The following HS3ST4 variants were observed in gnomAD, a reference collection of about 807,000 sequenced individuals.
The protein encoded by HS3ST4 is heparan sulfate glucosamine 3-O-sulfotransferase 4.
HS3ST4 carries 17 observed loss-of-function variants against 29.2 expected under a neutral mutation model. That is an observed-to-expected ratio of 0.58 (90% CI 0.40 to 0.87). The LOEUF (loss-of-function observed/expected upper bound fraction) is 0.87. Ranked by LOEUF, HS3ST4 falls within the 40% of genes least tolerant of loss-of-function variation. HS3ST4 has a pLI of 0.00. For missense variants in HS3ST4, 627 were observed against 634.5 expected (o/e 0.99, Z 0.13); for synonymous variants, 314 against 285.7 (o/e 1.10, Z -1.00).
intron 1 of HS3ST4, among the ~76,000 whole-genome samples, chr16:26,030,551 C>T (rs1969522521): frequency 6.6e-6 from 1 of 152,108 alleles, no homozygotes; most frequent in African/African-American, 2.4e-5. Context: ...TACACTTTTT[C>T]TCCTTCTATA....
intron 1 of HS3ST4, among the ~76,000 whole-genome samples, chr16:25,788,164 A>C (rs1966860339): frequency 6.6e-6 from 1 of 152,126 alleles, no homozygotes; most frequent in Non-Finnish European, 1.5e-5. Flanking sequence ...TGGAATACCA[A>C]CACTTCGGGA....
intron 1 of HS3ST4, among the ~76,000 whole-genome samples, chr16:25,783,404 A>G (rs1384129926): frequency 6.6e-6 from 1 of 151,834 alleles, no homozygotes; most frequent in Non-Finnish European, 1.5e-5. Flanking sequence ...CGCTGCATTG[A>G]TGTCAGTTGT....
At chr16:25,711,959 A>G (rs1348348929) in intron 1 of HS3ST4, among the ~76,000 whole-genome samples, 1 of 152,230 alleles carries the variant, frequency 6.6e-6, no homozygotes, top group Non-Finnish European at 1.5e-5. Flanking sequence ...CTTATAAAGT[A>G]TACATAATTT....
At chr16:26,088,018 T>C (rs1235341938) in intron 1 of HS3ST4, among the ~76,000 whole-genome samples, 1 of 152,214 alleles carries the variant, frequency 6.6e-6, no homozygotes, top group Non-Finnish European at 1.5e-5. Flanking sequence ...TGCAATGATT[T>C]TCTAGTTCTT....
chr16:25,860,618 C>T (rs936442818), intron 1 of HS3ST4, among the ~76,000 whole-genome samples: 5 of 152,152 alleles, frequency 3.3e-5, no homozygotes, highest in African/African-American at 1.2e-4. Context: ...GGAAGCCTAT[C>T]TAAGGCTACA....
At chr16:25,785,013 C>T (rs1302919923) in intron 1 of HS3ST4, among the ~76,000 whole-genome samples, 1 of 152,118 alleles carries the variant, frequency 6.6e-6, no homozygotes, top group Non-Finnish European at 1.5e-5. Context: ...AATCCTAGGG[C>T]CCTTAAGAAT....
chr16:25,767,306 T>C (rs1966826719), intron 1 of HS3ST4, among the ~76,000 whole-genome samples: 2 of 152,298 alleles, frequency 1.3e-5, no homozygotes, highest in Admixed American at 1.3e-4. Context: ...AGTTTCCTCC[T>C]TTCTTCTTGG....
At chr16:25,886,813 G>C (rs562867291) in intron 1 of HS3ST4, 1 of 152,374 alleles carries the variant, frequency 6.6e-6, no homozygotes, top group South Asian at 2.1e-4. Context: ...AGGTGAGGCA[G>C]GTGGGAGCCT....
At position 26,056,040 on chromosome 16, in the gene HS3ST4, CAGAGAGAGAGAGAGAG is replaced by C. The variant is rs55688033; in HGVS notation, c.735-79548_735-79533del. ...CTAATTTGCATGAGAAAGAGAGAGA[CAGAGAGAGAGAGAGAG>C]AGAGAGAGAGAGAGAGAGAGAGAAG... On this transcript the variant is annotated intron_variant, in intron 1 of 1. Transcript: ENST00000331351. Among the ~76,000 whole-genome samples the C allele has an allele frequency of 2.6e-4, 39 of 147,950 alleles. 1 individual carries two copies. Among genetic ancestry groups the C allele is most frequent in the South Asian group, 8.8e-4 (4 of 4,560 alleles).
intron 1 of HS3ST4, among the ~76,000 whole-genome samples, chr16:26,033,977 C>T (rs1969558584): frequency 6.6e-6 from 1 of 152,282 alleles, no homozygotes. Flanking sequence ...TATTGCTTAA[C>T]AAATATTCTC....
At chr16:26,122,284 T>C (rs1368621556) in intron 1 of HS3ST4, among the ~76,000 whole-genome samples, 1 of 151,860 alleles carries the variant, frequency 6.6e-6, no homozygotes, top group Non-Finnish European at 1.5e-5. Flanking sequence ...CAATCACAAA[T>C]GCATTTTAAG....
At chr16:25,778,977 A>C (rs980923335) in intron 1 of HS3ST4, among the ~76,000 whole-genome samples, 1 of 152,010 alleles carries the variant, frequency 6.6e-6, no homozygotes, top group Non-Finnish European at 1.5e-5. Flanking sequence ...ATGTGAGCCA[A>C]AGTCTTAAAT....
intron 1 of HS3ST4, among the ~76,000 whole-genome samples, chr16:25,782,068 A>G (rs1326713265): frequency 6.6e-6 from 1 of 152,172 alleles, no homozygotes; most frequent in Non-Finnish European, 1.5e-5. Context: ...ATCATGGCAG[A>G]AGGTGAAGGG....
chr16:25,914,034 G>A (rs1451227668), intron 1 of HS3ST4, among the ~76,000 whole-genome samples: 1 of 149,382 alleles, frequency 6.7e-6, no homozygotes, highest in East Asian at 2.0e-4. Context: ...GAGGGAGCAT[G>A]TGTATGTGTG....
chr16:26,045,335 G>A (rs1335505052), intron 1 of HS3ST4, among the ~76,000 whole-genome samples: 1 of 152,172 alleles, frequency 6.6e-6, no homozygotes, highest in African/African-American at 2.4e-5. Flanking sequence ...TAGCATTAAT[G>A]TTCTGGGGTA....
At chr16:25,794,936 CACAT>C (rs766301570) in intron 1 of HS3ST4, among the ~76,000 whole-genome samples, 536 of 135,766 alleles carry the variant, frequency 3.9e-3, no homozygotes, top group African/African-American at 5.0e-3. Context: ...CACACACACA[CACAT>C]ATATATTCAT....
intron 1 of HS3ST4, among the ~76,000 whole-genome samples, chr16:25,795,733 A>G (rs1209811981): frequency 6.6e-6 from 1 of 152,146 alleles, no homozygotes; most frequent in Non-Finnish European, 1.5e-5. Context: ...CAGCAGGGGA[A>G]CAGGCATCTC....
chr16:25,892,771 A>G (rs1968022931), intron 1 of HS3ST4, among the ~76,000 whole-genome samples: 1 of 152,144 alleles, frequency 6.6e-6, no homozygotes, highest in Non-Finnish European at 1.5e-5. Context: ...TCCAGGGAAT[A>G]AATCTATTCC....
At chr16:25,788,602 A>G (rs1966861693) in intron 1 of HS3ST4, among the ~76,000 whole-genome samples, 1 of 125,758 alleles carries the variant, frequency 8.0e-6, no homozygotes, top group Non-Finnish European at 1.6e-5. Context: ...GTGCAGTGGC[A>G]TGATCCTAGC....
Sources: allele counts gnomAD v4.1 joint callset (sites outside exome capture counted in the v4.1 genomes callset), GRCh38; gene constraint gnomAD v4.1.1; transcripts MANE v1.5; gene names NCBI Gene and HGNC (gene_info 2026-07-23, HGNC 2026-07-21).